LSAMP: variants seen among roughly 807,000 people sequenced by gnomAD.
LSAMP encodes limbic system-associated membrane protein.
In LSAMP, 7 loss-of-function variants were observed where a neutral mutation model predicts 38.6. The ratio of observed to expected loss-of-function variants is 0.18; its 90% CI spans 0.10 to 0.34. The LOEUF (loss-of-function observed/expected upper bound fraction) is 0.34. Among genes scored for constraint, LSAMP ranks in the 10% least tolerant of loss-of-function variants. The probability of loss-of-function intolerance (pLI) is 1.00; values close to 1 mark genes in which losing one functional copy is unlikely to be tolerated. For synonymous variants in LSAMP, 154 were observed against 166.8 expected (o/e 0.92, Z 0.59); for missense variants, 313 against 420.0 (o/e 0.75, Z 2.23).
At chr3:116,427,926 A>T (rs2049225419) in intron 1 of LSAMP, among the ~76,000 whole-genome samples, 1 of 152,204 alleles carries the variant, frequency 6.6e-6, no homozygotes, top group South Asian at 2.1e-4. Flanking sequence ...CCTCAGAGTC[A>T]CTTGTCAATG....
chr3:116,330,549 C>G (rs1421956209), intron 1 of LSAMP, among the ~76,000 whole-genome samples: 1 of 134,374 alleles, frequency 7.4e-6, no homozygotes, highest in African/African-American at 2.6e-5. Context: ...CCAGCATGCT[C>G]CCCCCCCCAC....
intron 3 of LSAMP, among the ~76,000 whole-genome samples, chr3:115,896,555 T>C (rs1936733515): frequency 6.6e-6 from 1 of 152,016 alleles, no homozygotes; most frequent in Non-Finnish European, 1.5e-5. Flanking sequence ...CATCCTGCAC[T>C]GTCAAAAACA....
At chr3:116,097,057 G>A (rs112346444) in intron 1 of LSAMP, among the ~76,000 whole-genome samples, 212 of 152,296 alleles carry the variant, frequency 1.4e-3, no homozygotes, top group African/African-American at 4.8e-3. Context: ...GCCTTTGGTT[G>A]TACCTTTGAA....
intron 6 of LSAMP, among the ~76,000 whole-genome samples, chr3:115,817,971 C>T (rs1934084543): frequency 6.6e-6 from 1 of 152,026 alleles, no homozygotes; most frequent in African/African-American, 2.4e-5. Context: ...CAACATATTG[C>T]ATTAAAAAAT....
intron 3 of LSAMP, among the ~76,000 whole-genome samples, chr3:115,880,569 T>C (rs1226671879): frequency 2.6e-5 from 4 of 152,188 alleles, no homozygotes; most frequent in African/African-American, 9.6e-5. Flanking sequence ...CTGAAAATTC[T>C]GTTTGTTTAC....
Position 116,162,694 on chromosome 3 carries a change from CTATA to C in LSAMP, c.156-76142_156-76139del, listed in dbSNP as rs1008861925. Among the ~76,000 whole-genome samples the C allele has an allele frequency of 1.4e-4, 19 of 131,610 alleles. No individual in the cohort carries two copies. In the South Asian group the frequency reaches 4.1e-3, roughly 28 times the overall value. 86.3% of individuals were successfully genotyped at this position (131,610 alleles called of 152,430 possible). ...TCACTGGTTCTCTCTCTCTCTCTCT[CTATA>C]TATATATAAAGTGAAAGCAAAGTGT... On this transcript the variant is annotated intron_variant, in intron 1 of 6. Coordinates refer to ENST00000490035, the MANE Select transcript of LSAMP (RefSeq NM_002338.5).
At chr3:116,120,918 A>ACTCATCAAGTAG (rs1708861344) in intron 1 of LSAMP, among the ~76,000 whole-genome samples, 1 of 152,118 alleles carries the variant, frequency 6.6e-6, no homozygotes, top group Admixed American at 6.6e-5. Flanking sequence ...AACTCCCTTT[A>ACTCATCAAGTAG]CTTTAATTCT....
intron 1 of LSAMP, among the ~76,000 whole-genome samples, chr3:116,292,036 C>A (rs377668681): frequency 6.6e-6 from 1 of 152,118 alleles, no homozygotes; most frequent in African/African-American, 2.4e-5. Context: ...AATGGTACCA[C>A]TCGCAAAAGA....
chr3:116,271,029 G>C (rs574198969), intron 1 of LSAMP, among the ~76,000 whole-genome samples: 90 of 152,142 alleles, frequency 5.9e-4, no homozygotes, highest in African/African-American at 2.0e-3. Context: ...TGAGTCCTTA[G>C]ACCTTTAAAA....
intron 1 of LSAMP, among the ~76,000 whole-genome samples, chr3:116,183,527 C>G (rs1418193535): frequency 3.3e-5 from 5 of 151,782 alleles, no homozygotes; most frequent in Non-Finnish European, 7.4e-5. Flanking sequence ...TCAGTCTCAA[C>G]TTTTGGGTTG....
At chr3:116,328,877 A>G (rs530498103) in intron 1 of LSAMP, among the ~76,000 whole-genome samples, 1 of 152,298 alleles carries the variant, frequency 6.6e-6, no homozygotes, top group Admixed American at 6.5e-5. Context: ...CTTATTTAAA[A>G]TTAAATCTTT....
At chr3:115,897,380 A>C (rs917819133) in intron 3 of LSAMP, among the ~76,000 whole-genome samples, 2 of 152,052 alleles carry the variant, frequency 1.3e-5, no homozygotes, top group Non-Finnish European at 2.9e-5. Flanking sequence ...AAAAAGCTTG[A>C]CATACAGTAG....
At chr3:116,190,448 T>TA (rs1710730231) in intron 1 of LSAMP, among the ~76,000 whole-genome samples, 1 of 151,886 alleles carries the variant, frequency 6.6e-6, no homozygotes, top group Non-Finnish European at 1.5e-5. Flanking sequence ...TTTTTTTTTT[T>TA]ATTATTATTT....
chr3:115,892,461 TTGAG>T (rs1320111946), intron 3 of LSAMP, among the ~76,000 whole-genome samples: 1 of 151,792 alleles, frequency 6.6e-6, no homozygotes, highest in African/African-American at 2.4e-5. Context: ...AAACACTAAG[TTGAG>T]TGAGAGAAGC....
intron 1 of LSAMP, among the ~76,000 whole-genome samples, chr3:116,170,372 T>C (rs981344618): frequency 6.6e-6 from 1 of 152,214 alleles, no homozygotes; most frequent in Non-Finnish European, 1.5e-5. Context: ...TTGTGGCTAC[T>C]CTGTGAAAAT....
At chr3:116,009,055 A>C (rs1040253137) in intron 3 of LSAMP, among the ~76,000 whole-genome samples, 1 of 152,196 alleles carries the variant, frequency 6.6e-6, no homozygotes, top group African/African-American at 2.4e-5. Context: ...CAAAACTATT[A>C]TTATTTTCAT....
intron 1 of LSAMP, among the ~76,000 whole-genome samples, chr3:116,142,015 A>T (rs192768529): frequency 9.3e-4 from 141 of 152,090 alleles, no homozygotes; most frequent in Non-Finnish European, 9.1e-4. Flanking sequence ...ATAACATCCA[A>T]ACTACAATCT....
In LSAMP at chr3:115,842,083, G is replaced by A. The variant is rs1278955072; in HGVS notation, c.771-90C>T. 4 of 1,331,218 alleles carry A rather than the reference G, an allele frequency of 3.0e-6. No individual in the cohort carries two copies. In the African/African-American group the frequency reaches 5.8e-5, roughly 19 times the overall value. 82.5% of individuals were successfully genotyped at this position (1,331,218 alleles called of 1,614,324 possible). On this transcript the variant is annotated intron_variant, in intron 5 of 6. Transcript: ENST00000490035. ...TCCCCATCCTGACACTGGAGGAAAAGGAGAGAAAGGAAGTAGCTAGAGTTT... is the reference window on the plus strand; with the variant it reads ...TCCCCATCCTGACACTGGAGGAAAAAGAGAGAAAGGAAGTAGCTAGAGTTT...
intron 1 of LSAMP, among the ~76,000 whole-genome samples, chr3:116,265,091 A>C (rs1414507127): frequency 6.6e-6 from 1 of 152,038 alleles, no homozygotes; most frequent in Non-Finnish European, 1.5e-5. Flanking sequence ...TGAATAACAA[A>C]ATACATTCCA....
Sources: gnomAD v4.1 joint callset for allele counts (sites outside exome capture counted in the v4.1 genomes callset) on GRCh38, gnomAD v4.1.1 for gene constraint, MANE v1.5 for transcripts, NCBI Gene and HGNC (gene_info 2026-07-23, HGNC 2026-07-21) for gene names.